The following DAB1 variants were observed in gnomAD, a reference collection of about 807,000 sequenced individuals.
DAB1 encodes the protein DAB adaptor protein 1.
In DAB1, 15 loss-of-function variants were observed where a neutral mutation model predicts 64.6. The ratio of observed to expected loss-of-function variants is 0.23; its 90% confidence interval spans 0.16 to 0.36. The LOEUF (loss-of-function observed/expected upper bound fraction) is 0.36, where lower values mean the gene tolerates loss of function less well. Among genes scored for constraint, DAB1 ranks in the 10% least tolerant of loss-of-function variants. The pLI, the probability that DAB1 is intolerant of heterozygous loss-of-function variation, is 1.00. For missense variants in DAB1, 596 were observed against 706.7 expected (o/e 0.84, Z 1.78); for synonymous variants, 235 against 251.9 (o/e 0.93, Z 0.64).
intron 2 of DAB1, among the ~76,000 whole-genome samples, chr1:57,199,248 A>G (rs1170393452): frequency 6.6e-6 from 1 of 152,214 alleles, no homozygotes; most frequent in Non-Finnish European, 1.5e-5. Context: ...TTCTCTTATT[A>G]AAGTAAAATT....
intron 1 of DAB1, among the ~76,000 whole-genome samples, chr1:58,545,563 C>G (rs1460846281): frequency 6.6e-6 from 1 of 151,858 alleles, no homozygotes; most frequent in Non-Finnish European, 1.5e-5. Context: ...GGCAGGTCAA[C>G]AAACATAGCT....
intron 5 of DAB1, among the ~76,000 whole-genome samples, chr1:58,029,376 C>G (rs1049591326): frequency 2.0e-5 from 3 of 152,134 alleles, no homozygotes; most frequent in Admixed American, 1.3e-4. Flanking sequence ...AGTCCACTTA[C>G]AGTTGCTGTT....
intron 5 of DAB1, among the ~76,000 whole-genome samples, chr1:57,962,545 G>C (rs1570093395): frequency 6.6e-6 from 1 of 152,076 alleles, no homozygotes; most frequent in East Asian, 1.9e-4. Context: ...GTTGGTTCAG[G>C]CTCCCCAAGA....
At chr1:57,259,610 C>T (rs1026836916) in intron 2 of DAB1, among the ~76,000 whole-genome samples, 13 of 152,184 alleles carry the variant, frequency 8.5e-5, no homozygotes, top group African/African-American at 2.9e-4. Context: ...GGCAGAGCAA[C>T]GTGAGATGCT....
chr1:58,041,064 G>T (rs1647128088), intron 5 of DAB1, among the ~76,000 whole-genome samples: 1 of 152,166 alleles, frequency 6.6e-6, no homozygotes, highest in African/African-American at 2.4e-5. Context: ...CACATGCTTT[G>T]CTGCCTATCT....
At chr1:58,201,877 G>C (rs948679745) in intron 4 of DAB1, among the ~76,000 whole-genome samples, 1 of 152,154 alleles carries the variant, frequency 6.6e-6, no homozygotes, top group South Asian at 2.1e-4. Context: ...GGAGTGACTT[G>C]ATGTACAGGT....
rs515477 is a variant in DAB1, at chr1:57,193,531, C to A, written c.68-48102G>T. Among the ~76,000 whole-genome samples, 3 of 151,126 alleles carry A rather than the reference C, an allele frequency of 2.0e-5. No individual in the cohort carries two copies. The East Asian group carries it at 5.9e-4, about 30-fold the overall frequency. On this transcript the variant is annotated intron_variant, in intron 2 of 14. Transcript: ENST00000371236. ...CCTCCCGAGTAGCTGGGACTGCAGG[C>A]GCCCGCCACTATGCCCAGCTAATTT...
chr1:57,383,502 T>G (rs1681551117), intron 1 of DAB1, among the ~76,000 whole-genome samples: 1 of 152,204 alleles, frequency 6.6e-6, no homozygotes, highest in Non-Finnish European at 1.5e-5. Context: ...AATCTCATAC[T>G]ATTTGGAGAA....
chr1:57,086,281 C>T (rs1374216717), intron 4 of DAB1, among the ~76,000 whole-genome samples: 1 of 152,056 alleles, frequency 6.6e-6, no homozygotes, highest in Non-Finnish European at 1.5e-5. Flanking sequence ...GGGTGCCCGT[C>T]GATGGAAGCC....
At chr1:57,812,319 CAAAAAA>C (rs67005172) in intron 6 of DAB1, among the ~76,000 whole-genome samples, 12 of 101,214 alleles carry the variant, frequency 1.2e-4, no homozygotes, top group Non-Finnish European at 1.4e-4. Flanking sequence ...GATTCATTGC[CAAAAAA>C]AAAAAAAAAA....
upstream of DAB1, among the ~76,000 whole-genome samples, chr1:57,424,635 C>T (rs1685194710): frequency 6.6e-6 from 1 of 152,206 alleles, no homozygotes; most frequent in Non-Finnish European, 1.5e-5. Flanking sequence ...ATATGGAGTG[C>T]CAGGAAGGGC....
At chr1:57,141,544 C>G (rs1427600251) in intron 3 of DAB1, among the ~76,000 whole-genome samples, 3 of 152,164 alleles carry the variant, frequency 2.0e-5, no homozygotes, top group East Asian at 3.9e-4. Context: ...TACCTCACCA[C>G]CCCTCATTTG....
At chr1:58,113,763 C>T (rs1189784291) in intron 5 of DAB1, among the ~76,000 whole-genome samples, 6 of 152,072 alleles carry the variant, frequency 3.9e-5, no homozygotes, top group Admixed American at 6.6e-5. Context: ...CCTTGAAGTA[C>T]GGGGAGCATC....
At chr1:57,262,466 C>G (rs1670253763) in intron 2 of DAB1, among the ~76,000 whole-genome samples, 1 of 152,168 alleles carries the variant, frequency 6.6e-6, no homozygotes, top group African/African-American at 2.4e-5. Context: ...CCAGAGCCAC[C>G]CATGAAGATA....
At chr1:57,713,766 C>A (rs146017314) in intron 6 of DAB1, among the ~76,000 whole-genome samples, 17 of 152,272 alleles carry the variant, frequency 1.1e-4, no homozygotes, top group African/African-American at 2.6e-4. Context: ...TGGACTCTTG[C>A]AAATGTGCAG....
intron 6 of DAB1, chr1:57,071,290 C>T (rs1413021927): frequency 2.7e-5 from 18 of 654,824 alleles, no homozygotes; most frequent in Non-Finnish European, 3.3e-5. Context: ...GGGTCCTCCA[C>T]CCCTGAAATC....
chr1:57,011,719 C>T (rs936337775), intron 12 of DAB1, among the ~76,000 whole-genome samples: 2 of 152,176 alleles, frequency 1.3e-5, no homozygotes, highest in Admixed American at 1.3e-4. Context: ...TTATTGAGCG[C>T]CTTTCATGTG....
intron 7 of DAB1, among the ~76,000 whole-genome samples, chr1:57,630,418 A>G (rs1250290211): frequency 1.3e-5 from 2 of 152,222 alleles, no homozygotes; most frequent in Non-Finnish European, 2.9e-5. Context: ...ATTGTCTCTT[A>G]AAGCTACACT....
intron 4 of DAB1, among the ~76,000 whole-genome samples, chr1:58,283,207 T>C (rs1003842154): frequency 6.6e-6 from 1 of 151,386 alleles, no homozygotes; most frequent in East Asian, 1.9e-4. Flanking sequence ...CATCTGTCAG[T>C]GCGCATATGG....
Sources: gnomAD v4.1 joint callset for allele counts (sites outside exome capture counted in the v4.1 genomes callset) on GRCh38, gnomAD v4.1.1 for gene constraint, MANE v1.5 for transcripts, NCBI Gene and HGNC (gene_info 2026-07-23, HGNC 2026-07-21) for gene names.